The following PDPR variants were observed in gnomAD, a reference collection of about 807,000 sequenced individuals.
PDPR encodes the protein pyruvate dehydrogenase phosphatase regulatory subunit, mitochondrial.
PDPR carries 50 observed loss-of-function variants against 102.2 expected under a neutral mutation model. The ratio of observed to expected loss-of-function variants is 0.49; its 90% confidence interval spans 0.39 to 0.62. The LOEUF (loss-of-function observed/expected upper bound fraction) is 0.62, where lower values mean the gene tolerates loss of function less well. PDPR is among the 20% of genes least tolerant of loss of function. The probability of loss-of-function intolerance (pLI) is 0.00; values close to 1 mark genes in which losing one functional copy is unlikely to be tolerated. For missense variants in PDPR, 625 were observed against 1,098.2 expected, an observed-to-expected ratio of 0.57 and a Z score of 6.09; for synonymous variants, 259 against 406.0, an observed-to-expected ratio of 0.64 and a Z score of 4.35.
rs758264527 is a variant in PDPR, at chr16:70,157,095, CTCT to C, written c.*222_*224del. On this transcript the variant is annotated 3_prime_UTR_variant, in exon 19 of 19. Coordinates refer to ENST00000288050, the MANE Select transcript of PDPR (RefSeq NM_017990.5). ...TCCTCCTCCTAATATTCACTCTGGG[CTCT>C]TCTTCCCTTCCCACCCCTCACTCAG... 4 of 741,842 alleles carry C rather than the reference CTCT, an allele frequency of 5.4e-6. No homozygotes were observed. In the South Asian group the frequency reaches 5.9e-5, roughly 11 times the overall value. 46.0% of individuals were successfully genotyped at this position (741,842 alleles called of 1,614,324 possible). A position where few individuals can be genotyped will look rare whatever the true frequency, so the allele number is the denominator to read the frequency against.
chr16:70,153,996 A>T (rs1966866069), intron 18 of PDPR, among the ~76,000 whole-genome samples: 1 of 152,192 alleles, frequency 6.6e-6, no homozygotes, highest in South Asian at 2.1e-4. Context: ...TAGCTAACAC[A>T]GTGAAACCCC....
chr16:70,133,620 G>A (rs545576636), intron 9 of PDPR, among the ~76,000 whole-genome samples: 2 of 152,118 alleles, frequency 1.3e-5, no homozygotes, highest in East Asian at 1.9e-4. Flanking sequence ...ATTTTACCAC[G>A]TTGGCCAGGC....
At chr16:70,141,614 T>TA (rs1249409213) in intron 11 of PDPR, among the ~76,000 whole-genome samples, 285 of 152,132 alleles carry the variant, frequency 1.9e-3, no homozygotes, top group African/African-American at 6.3e-3. Context: ...CTATGAAGCT[T>TA]GGTAAGGTTT....
At chr16:70,137,071 G>T (rs1375087797) in intron 10 of PDPR, among the ~76,000 whole-genome samples, 2 of 152,118 alleles carry the variant, frequency 1.3e-5, no homozygotes, top group African/African-American at 4.8e-5. Context: ...TTAGACACTA[G>T]GCCGGGCGCA....
chr16:70,144,749 G>C (rs1412451187), intron 15 of PDPR, among the ~76,000 whole-genome samples: 2 of 152,250 alleles, frequency 1.3e-5, no homozygotes, highest in African/African-American at 4.8e-5. Context: ...TAGGTCAGGA[G>C]TTCGAGACCA....
chr16:70,134,197 A>T (rs1261762159), intron 9 of PDPR, among the ~76,000 whole-genome samples: 2 of 152,206 alleles, frequency 1.3e-5, no homozygotes, highest in African/African-American at 2.4e-5. Context: ...GTATTTTATT[A>T]AATTTTAAAA....
chr16:70,160,413 G>C lies in PDPR; in HGVS notation c.*3534G>C, dbSNP rs1967667878. On this transcript the variant is annotated 3_prime_UTR_variant, in exon 19 of 19. Transcript: ENST00000288050. ...AGCACCTTGTATGATGGCAGGACAG[G>C]CTCCAGCAGAGAGAACTGCACAGTG... 6.5e-6 allele frequency: 1 copy of C among 152,860 alleles called. No individual in the cohort carries two copies. Among genetic ancestry groups the C allele is most frequent in the Non-Finnish European group, 1.5e-5 (1 of 68,526 alleles). 9.5% of individuals were successfully genotyped at this position (152,860 alleles called of 1,614,324 possible).
intron 4 of PDPR, among the ~76,000 whole-genome samples, chr16:70,128,104 G>A (rs1231075658): frequency 6.6e-6 from 1 of 152,258 alleles, no homozygotes; most frequent in African/African-American, 2.4e-5. Context: ...CTTGGTAGCT[G>A]ATGTTATTGT....
rs987051584 is a variant in PDPR, at chr16:70,160,620, T to A, written c.*3741T>A. 6.6e-6 allele frequency: 1 copy of A among 152,574 alleles called. No individual in the cohort carries two copies. The highest frequency in any genetic ancestry group is 1.5e-5 in the Non-Finnish European group (1 of 68,270). 9.5% of individuals were successfully genotyped at this position (152,574 alleles called of 1,614,324 possible). On this transcript the variant is annotated 3_prime_UTR_variant, in exon 19 of 19. Coordinates refer to ENST00000288050, the MANE Select transcript of PDPR (RefSeq NM_017990.5). ...CACTGGGAGGCCCACTGGCCTTGGA[T>A]CATCTCCTCATGCACACCCGGAGTT...
At chr16:70,154,849 G>C (rs1410358340) in intron 18 of PDPR, among the ~76,000 whole-genome samples, 2 of 152,240 alleles carry the variant, frequency 1.3e-5, no homozygotes, top group Admixed American at 6.5e-5. Context: ...ACATTGGCCA[G>C]GGTGGTCTCG....
In PDPR at chr16:70,157,108, C is replaced by T. The variant is rs1159349948; in HGVS notation, c.*229C>T. 2.2e-5 allele frequency: 16 copies of T among 719,374 alleles called. No individual in the cohort carries two copies. Among genetic ancestry groups the T allele is most frequent in the Non-Finnish European group, 3.7e-5 (15 of 407,098 alleles). The allele number at this position is 719,374 out of a possible 1,614,324, so 44.6% of individuals were successfully genotyped here. ...ATTCACTCTGGGCTCTTCTTCCCTTCCCACCCCTCACTCAGCTTCTCGTGG... is the reference window on the plus strand; with the variant it reads ...ATTCACTCTGGGCTCTTCTTCCCTTTCCACCCCTCACTCAGCTTCTCGTGG... On this transcript the variant is annotated 3_prime_UTR_variant, in exon 19 of 19. Transcript: ENST00000288050.
intron 2 of PDPR, among the ~76,000 whole-genome samples, chr16:70,116,913 C>G (rs1207285730): frequency 6.6e-6 from 1 of 151,904 alleles, no homozygotes; most frequent in Admixed American, 6.6e-5. Flanking sequence ...TTGCAATTCC[C>G]TTTCTCTGTT....
intron 9 of PDPR, among the ~76,000 whole-genome samples, chr16:70,134,741 G>A (rs1164236505): frequency 1.9e-4 from 29 of 149,426 alleles, no homozygotes; most frequent in Admixed American, 1.5e-3. Flanking sequence ...GGCTGAGATC[G>A]CACCACTGCA....
chr16:70,160,740 G>A lies in PDPR; in HGVS notation c.*3861G>A, dbSNP rs9926963. The A allele has an allele frequency of 0.095, 14,244 of 149,456 alleles. 419 individuals carry two copies. The highest frequency in any genetic ancestry group is 0.24 in the African/African-American group (9,484 of 39,918). The allele number at this position is 149,456 out of a possible 1,614,324, so 9.3% of individuals were successfully genotyped here. Reference sequence around the variant, plus strand: ...CAGCTTCCACAGTATATTACCTGCCGTTGCATGCATTTGAAAGTTAGCCTC... The same window carrying A: ...CAGCTTCCACAGTATATTACCTGCCATTGCATGCATTTGAAAGTTAGCCTC... On this transcript the variant is annotated 3_prime_UTR_variant, in exon 19 of 19. Transcript: ENST00000288050.
chr16:70,138,596 T>C (rs201770979), intron 10 of PDPR, among the ~76,000 whole-genome samples: 4 of 152,206 alleles, frequency 2.6e-5, no homozygotes, highest in Non-Finnish European at 1.5e-5. Context: ...TCAAGCAATC[T>C]CCTGCCTCAG....
Position 70,156,660 on chromosome 16 carries a change from C to T in PDPR, c.2421C>T (p.Ser807=). The change falls in exon 19 of 19, where the codon AGC becomes AGT. Residue 807 remains serine (S), a synonymous_variant. Coordinates refer to ENST00000288050, the MANE Select transcript of PDPR (RefSeq NM_017990.5). ...GKTTSSAYSY[S]LERHVCLGFV... is the part of the protein sequence containing the mutation. Reference sequence around the variant, plus strand: ...CCACCAGCAGTGCCTACAGCTACAGCCTGGAGCGCCACGTTTGCCTGGGCT... The same window carrying T: ...CCACCAGCAGTGCCTACAGCTACAGTCTGGAGCGCCACGTTTGCCTGGGCT... 1 of 1,614,078 alleles carries T rather than the reference C, an allele frequency of 6.2e-7. No homozygotes were observed. Among genetic ancestry groups the T allele is most frequent in the Admixed American group, 1.7e-5 (1 of 60,034 alleles).
At position 70,161,037 on chromosome 16, in the gene PDPR, G is replaced by C. The variant is rs891727480; in HGVS notation, c.*4158G>C. 1 of 152,680 alleles carries C rather than the reference G, an allele frequency of 6.5e-6. No homozygotes were observed. Among genetic ancestry groups the C allele is most frequent in the African/African-American group, 2.4e-5 (1 of 41,486 alleles). 9.5% of individuals were successfully genotyped at this position (152,680 alleles called of 1,614,324 possible). A position where few individuals can be genotyped will look rare whatever the true frequency, so the allele number is the denominator to read the frequency against. On this transcript the variant is annotated 3_prime_UTR_variant, in exon 19 of 19. Transcript: ENST00000288050. ...AATTTGCGTTGGCTTGCTTTCAGGGGTTAGCTACAAGATTCAGCTTTATAT... is the reference window on the plus strand; with the variant it reads ...AATTTGCGTTGGCTTGCTTTCAGGGCTTAGCTACAAGATTCAGCTTTATAT...
chr16:70,153,933 A>G (rs994778304), intron 18 of PDPR, among the ~76,000 whole-genome samples: 1 of 152,268 alleles, frequency 6.6e-6, no homozygotes, highest in African/African-American at 2.4e-5. Flanking sequence ...TAATCCCAAC[A>G]CTTTGGGAGG....
intron 13 of PDPR, among the ~76,000 whole-genome samples, 189 bp from the exon 14 acceptor site, chr16:70,143,321 G>T (rs1965921120): frequency 6.6e-6 from 1 of 152,278 alleles, no homozygotes; most frequent in African/African-American, 2.4e-5. Context: ...TGCTAGAGAG[G>T]CCTGTTTATC....
Sources: gnomAD v4.1 joint callset for allele counts (sites outside exome capture counted in the v4.1 genomes callset) on GRCh38, gnomAD v4.1.1 for gene constraint, MANE v1.5 for transcripts, NCBI Gene and HGNC (gene_info 2026-07-23, HGNC 2026-07-21) for gene names.